GLIS1: variants seen among roughly 807,000 people sequenced by gnomAD.
The protein encoded by GLIS1 is GLIS family zinc finger 1.
In GLIS1, 24 loss-of-function variants were observed where a neutral mutation model predicts 63.8. The observed-to-expected ratio is 0.38, with a 90% CI of 0.27 to 0.53. The LOEUF is 0.53. Ranked by LOEUF, GLIS1 falls within the 20% of genes least tolerant of loss-of-function variation. The probability of loss-of-function intolerance (pLI) is 0.85; values close to 1 mark genes in which losing one functional copy is unlikely to be tolerated. For synonymous variants in GLIS1, 450 were observed against 482.5 expected, an observed-to-expected ratio of 0.93 and a Z score of 0.88; for missense variants, 1,036 against 1,074.1, an observed-to-expected ratio of 0.96 and a Z score of 0.50.
intron 2 of GLIS1, among the ~76,000 whole-genome samples, chr1:53,714,260 A>C (rs1181908562): frequency 6.6e-6 from 1 of 152,212 alleles, no homozygotes; most frequent in Non-Finnish European, 1.5e-5. Flanking sequence ...GAAGCCTCAC[A>C]AGAGTGTTGA....
At chr1:53,523,654 G>A (rs1157078748) in intron 6 of GLIS1, among the ~76,000 whole-genome samples, 3 of 152,272 alleles carry the variant, frequency 2.0e-5, no homozygotes, top group African/African-American at 7.2e-5. Context: ...AGTTCCATGG[G>A]AGTGCAGGTG....
chr1:53,666,576 A>T (rs1479043798), intron 2 of GLIS1, among the ~76,000 whole-genome samples: 1 of 151,010 alleles, frequency 6.6e-6, no homozygotes, highest in African/African-American at 2.4e-5. Flanking sequence ...CTTCAACCCC[A>T]CCTCCCATCC....
intron 7 of GLIS1, among the ~76,000 whole-genome samples, chr1:53,517,578 T>C (rs547648619): frequency 6.6e-6 from 1 of 151,182 alleles, no homozygotes; most frequent in Admixed American, 6.6e-5. Flanking sequence ...TCTCAAGTCC[T>C]CACTGCCCAT....
At chr1:53,738,477 G>C (rs1426246573) in intron 1 of GLIS1, among the ~76,000 whole-genome samples, 1 of 152,192 alleles carries the variant, frequency 6.6e-6, no homozygotes, top group Non-Finnish European at 1.5e-5. Flanking sequence ...CGGAGCCGGC[G>C]GCAACGAGGA....
chr1:53,629,010 G>C (rs535361192), intron 2 of GLIS1, among the ~76,000 whole-genome samples: 1 of 151,996 alleles, frequency 6.6e-6, no homozygotes, highest in Non-Finnish European at 1.5e-5. Context: ...AGATCAAATC[G>C]AATCTCACCT....
intron 2 of GLIS1, among the ~76,000 whole-genome samples, chr1:53,606,575 C>T (rs1282837381): frequency 6.6e-6 from 1 of 152,188 alleles, no homozygotes; most frequent in Non-Finnish European, 1.5e-5. Flanking sequence ...TGGGCTGCCT[C>T]GTCACTCCCT....
At chr1:53,717,962 C>G (rs780960616) in intron 2 of GLIS1, among the ~76,000 whole-genome samples, 5 of 152,152 alleles carry the variant, frequency 3.3e-5, no homozygotes, top group Non-Finnish European at 5.9e-5. Context: ...CACCCCAGAC[C>G]GTGATTCCAG....
rs542011951 is a variant in GLIS1, at chr1:53,659,423, G to C, written c.260-59145C>G. ...CAACTGGGTAACCTCTTAGATTAGAGAATGTCAAGGCTGGAGGGTCTTTCA... is the reference window on the plus strand; with the variant it reads ...CAACTGGGTAACCTCTTAGATTAGACAATGTCAAGGCTGGAGGGTCTTTCA... On this transcript the variant is annotated intron_variant, in intron 2 of 10. Coordinates refer to ENST00000628545, the MANE Select transcript of GLIS1 (RefSeq NM_001367484.1). Among the ~76,000 whole-genome samples the C allele has an allele frequency of 1.2e-3, 190 of 152,328 alleles. 1 individual carries two copies. Among genetic ancestry groups the C allele is most frequent in the African/African-American group, 4.4e-3 (184 of 41,572 alleles).
At chr1:53,529,124 G>A (rs758663904) in intron 5 of GLIS1, among the ~76,000 whole-genome samples, 13 of 152,210 alleles carry the variant, frequency 8.5e-5, no homozygotes, top group African/African-American at 1.7e-4. Flanking sequence ...TTTAGAAAGC[G>A]CTCTATTAAC....
In GLIS1 at chr1:53,594,335, C is replaced by G. The variant is rs1335604985; in HGVS notation, c.1093G>C (p.Val365Leu). The G allele has an allele frequency of 6.2e-7, 1 of 1,611,782 alleles. No homozygotes were observed. Among genetic ancestry groups the G allele is most frequent in the Non-Finnish European group, 8.5e-7 (1 of 1,179,388 alleles). Residue 365 changes from valine (V) to leucine (L), a missense_variant, in exon 4 of 11, where the codon GTG becomes CTG. Val to Leu is a conservative substitution (Grantham distance 32). Coordinates refer to ENST00000628545, the MANE Select transcript of GLIS1 (RefSeq NM_001367484.1). ...CGGCACGCCTGCCGCCCGGCCACCA[C>G]CCTGCCTGCCAGGCCCAGCCCCAGG... The part of the protein sequence containing the change: ...GGLGLGLAGR[V>L]VAGRQACRWV...
rs748039587 is a variant in GLIS1 at position 53,529,782 on chromosome 1, TGG to T, written c.1482+7_1482+8del. On this transcript the variant is annotated splice_region_variant and intron_variant, in intron 5 of 10. Coordinates refer to ENST00000628545, the MANE Select transcript of GLIS1 (RefSeq NM_001367484.1). ...CACCCCGCCCTGGGCCTCTGCCTGT[TGG>T]GCCTACCGTGTCTAGGTGGGTGCGC... is the stretch of plus-strand genomic sequence containing the variant. 2 of 1,609,494 alleles carry T rather than the reference TGG, an allele frequency of 1.2e-6. No homozygotes were observed. Among genetic ancestry groups the T allele is most frequent in the Non-Finnish European group, 1.7e-6 (2 of 1,179,446 alleles).
intron 4 of GLIS1, among the ~76,000 whole-genome samples, chr1:53,571,927 C>T (rs911962232): frequency 6.6e-6 from 1 of 152,118 alleles, no homozygotes; most frequent in African/African-American, 2.4e-5. Flanking sequence ...AGACCACATA[C>T]AGTATGAGAC....
chr1:53,565,726 T>C (rs1644930979), intron 4 of GLIS1, among the ~76,000 whole-genome samples: 1 of 152,016 alleles, frequency 6.6e-6, no homozygotes, highest in Admixed American at 6.6e-5. Context: ...TTTAAAATCT[T>C]TCCACAAAGA....
At chr1:53,584,901 G>A (rs1028004768) in intron 4 of GLIS1, among the ~76,000 whole-genome samples, 3 of 152,270 alleles carry the variant, frequency 2.0e-5, no homozygotes, top group African/African-American at 2.4e-5. Flanking sequence ...TCTCAGTTAC[G>A]AAGTTTGCCA....
chr1:53,688,489 C>G (rs946303704), intron 2 of GLIS1, among the ~76,000 whole-genome samples: 2 of 152,200 alleles, frequency 1.3e-5, no homozygotes, highest in African/African-American at 4.8e-5. Flanking sequence ...CTGCCCATTC[C>G]TTAGTGCCCG....
chr1:53,701,976 G>A (rs905565535), intron 2 of GLIS1, among the ~76,000 whole-genome samples: 45 of 133,926 alleles, frequency 3.4e-4, no homozygotes, highest in Admixed American at 1.9e-3. Flanking sequence ...CTGGGTGACA[G>A]AGCAAGGCTC....
intron 4 of GLIS1, among the ~76,000 whole-genome samples, chr1:53,557,297 T>C (rs538164831): frequency 6.6e-6 from 1 of 152,266 alleles, no homozygotes; most frequent in Admixed American, 6.5e-5. Flanking sequence ...GCTCCAGTGG[T>C]AGGCATTATT....
intron 4 of GLIS1, among the ~76,000 whole-genome samples, chr1:53,575,305 C>G (rs1645022572): frequency 6.6e-6 from 1 of 152,274 alleles, no homozygotes; most frequent in Admixed American, 6.5e-5. Flanking sequence ...TCTCTGCAGC[C>G]CTGAAGACAA....
At chr1:53,722,675 T>C (rs1304560152) in intron 2 of GLIS1, among the ~76,000 whole-genome samples, 2 of 151,548 alleles carry the variant, frequency 1.3e-5, no homozygotes, top group Non-Finnish European at 2.9e-5. Context: ...ACCCTGTCTC[T>C]ACAAAAAAAT....
Sources: allele counts gnomAD v4.1 joint callset (sites outside exome capture counted in the v4.1 genomes callset), GRCh38; gene constraint gnomAD v4.1.1; transcripts MANE v1.5; gene names NCBI Gene and HGNC (gene_info 2026-07-23, HGNC 2026-07-21).